Variants in VAMP7 observed in about 807,000 individuals in gnomAD.
VAMP7 encodes the protein vesicle-associated membrane protein 7.
VAMP7 carries 14 observed loss-of-function variants against 29.6 expected under a neutral mutation model. That is an observed-to-expected ratio of 0.47 (90% CI 0.31 to 0.74). The LOEUF (loss-of-function observed/expected upper bound fraction) is 0.74, where lower values mean the gene tolerates loss of function less well. Ranked by LOEUF, VAMP7 falls within the 30% of genes least tolerant of loss-of-function variation. The pLI, the probability that VAMP7 is intolerant of heterozygous loss-of-function variation, is 0.05. For synonymous variants in VAMP7, 95 were observed against 88.1 expected (o/e 1.08, Z -0.44); for missense variants, 223 against 262.4 (o/e 0.85, Z 1.04).
At position 155,942,062 on chromosome X, in the gene VAMP7, A is replaced by T. The variant is rs2066752815; in HGVS notation, c.*111A>T. On this transcript the variant is annotated 3_prime_UTR_variant, in exon 8 of 8. Transcript: ENST00000286448. ...CAGATGGTATCTGCCAGTCTCTTCA[A>T]CCCTCTTCTCACTTTTTAAAATCTT... is the stretch of plus-strand genomic sequence containing the variant. 6.3e-7 allele frequency: 1 copy of T among 1,592,738 alleles called. No homozygotes were observed. Among genetic ancestry groups the T allele is most frequent in the Non-Finnish European group, 8.6e-7 (1 of 1,168,448 alleles).
chrX:155,883,220 C>T (rs982596884), intron 1 of VAMP7, among the ~76,000 whole-genome samples: 5 of 152,186 alleles, frequency 3.3e-5, no homozygotes, highest in Non-Finnish European at 7.3e-5. Context: ...ATGATTTATA[C>T]AAGGCCTTCT....
At position 155,882,441 on chromosome X, in the gene VAMP7, G is replaced by A. The variant is rs6642362; in HGVS notation, c.-10+993G>A. Among the ~76,000 whole-genome samples, 441 of 152,252 alleles carry A rather than the reference G, an allele frequency of 2.9e-3. 1 individual carries two copies. Among genetic ancestry groups the A allele is most frequent in the African/African-American group, 0.01 (421 of 41,550 alleles). Reference sequence around the variant, plus strand: ...TAAGAAAGTCAGAGGTCAGGGCATCGTCCAGAAAGAATAGTTGTAATACCA... The same window carrying A: ...TAAGAAAGTCAGAGGTCAGGGCATCATCCAGAAAGAATAGTTGTAATACCA... On this transcript the variant is annotated intron_variant, in intron 1 of 7. Coordinates refer to ENST00000286448, the MANE Select transcript of VAMP7 (RefSeq NM_005638.6).
chrX:155,895,709 T>C (rs746579342), intron 3 of VAMP7, 29 bp downstream of exon 3: 4 of 1,585,268 alleles, frequency 2.5e-6, no homozygotes, highest in Non-Finnish European at 2.6e-6. Context: ...TATTGCTATT[T>C]AACTATGTGT....
chrX:155,905,740 T>C (rs1321424809), intron 5 of VAMP7, among the ~76,000 whole-genome samples: 2 of 152,212 alleles, frequency 1.3e-5, no homozygotes, highest in Admixed American at 6.5e-5. Context: ...TTCTGGACCT[T>C]CAGTTCTGTT....
intron 5 of VAMP7, among the ~76,000 whole-genome samples, chrX:155,904,064 A>G (rs748458970): frequency 3.3e-5 from 5 of 152,048 alleles, no homozygotes; most frequent in African/African-American, 1.2e-4. Context: ...AGGGACATGG[A>G]TGAAATTGGA....
chrX:155,927,790 G>T (rs2066492792), intron 6 of VAMP7, among the ~76,000 whole-genome samples: 1 of 146,308 alleles, frequency 6.8e-6, no homozygotes, highest in Non-Finnish European at 1.5e-5. Flanking sequence ...TAAAGTGAGT[G>T]CTTTAAAAAT....
intron 6 of VAMP7, 34 bp from the exon 7 acceptor site, chrX:155,939,667 G>A (rs778127869): frequency 4.7e-6 from 7 of 1,484,100 alleles, no homozygotes; most frequent in East Asian, 2.3e-5. Context: ...TGTAGTCAGT[G>A]CCAGGGGTTA....
intron 5 of VAMP7, among the ~76,000 whole-genome samples, chrX:155,913,681 G>A (rs1309293354): frequency 1.3e-5 from 2 of 152,132 alleles, no homozygotes; most frequent in African/African-American, 2.4e-5. Context: ...TCAGATGGTT[G>A]TAGATGTGTA....
chrX:155,906,318 C>T (rs191066325), intron 5 of VAMP7, among the ~76,000 whole-genome samples: 3 of 152,240 alleles, frequency 2.0e-5, no homozygotes, highest in Non-Finnish European at 4.4e-5. Flanking sequence ...TAGAGAGAAT[C>T]CCCTTGCCCT....
At chrX:155,895,930 TC>T (rs1182508826) in intron 3 of VAMP7, among the ~76,000 whole-genome samples, 2 of 152,112 alleles carry the variant, frequency 1.3e-5, no homozygotes, top group African/African-American at 4.8e-5. Flanking sequence ...GAACTCTGCA[TC>T]CGAGGGATCT....
At chrX:155,938,172 C>T (rs773028291) in intron 6 of VAMP7, among the ~76,000 whole-genome samples, 51 of 152,178 alleles carry the variant, frequency 3.4e-4, no homozygotes, top group African/African-American at 1.2e-3. Context: ...AACTTTGTTC[C>T]ATTAAGGACT....
intron 6 of VAMP7, among the ~76,000 whole-genome samples, chrX:155,922,853 C>T (rs1427192148): frequency 6.6e-6 from 1 of 151,964 alleles, no homozygotes; most frequent in African/African-American, 2.4e-5. Flanking sequence ...TGCCATCTTG[C>T]TGTTTGTTTC....
chrX:155,901,794 G>A (rs1194704431), intron 5 of VAMP7, among the ~76,000 whole-genome samples: 2 of 152,278 alleles, frequency 1.3e-5, no homozygotes, highest in South Asian at 2.1e-4. Context: ...ATAGTTTGAA[G>A]TCAGGTAGCA....
At chrX:155,928,789 A>T (rs1273743185) in intron 6 of VAMP7, among the ~76,000 whole-genome samples, 2 of 152,182 alleles carry the variant, frequency 1.3e-5, no homozygotes, top group Non-Finnish European at 2.9e-5. Context: ...ACTTGTTTTA[A>T]ACAGATGGTT....
Position 155,895,692 on chromosome X carries a change from G to C in VAMP7, c.204+12G>C. The C allele has an allele frequency of 1.9e-6, 3 of 1,604,542 alleles. No homozygotes were observed. The highest frequency in any genetic ancestry group is 2.6e-6 in the Non-Finnish European group (3 of 1,171,688). On this transcript the variant is annotated intron_variant, in intron 3 of 7. Transcript: ENST00000286448. ...GTATCACTGATGATGTAAGTAACTTGAAGACATATTGCTATTTAACTATGT... is the reference window on the plus strand; with the variant it reads ...GTATCACTGATGATGTAAGTAACTTCAAGACATATTGCTATTTAACTATGT...
intron 6 of VAMP7, among the ~76,000 whole-genome samples, chrX:155,926,008 C>T (rs2066461884): frequency 6.6e-6 from 1 of 151,692 alleles, no homozygotes; most frequent in Non-Finnish European, 1.5e-5. Context: ...CAGCAGATCT[C>T]CACAGATCTT....
chrX:155,915,747 A>AT (rs1569444544), intron 5 of VAMP7, among the ~76,000 whole-genome samples: 5 of 151,910 alleles, frequency 3.3e-5, no homozygotes, highest in Non-Finnish European at 7.4e-5. Context: ...TACGATTTCC[A>AT]TTTTTTGCAT....
chrX:155,915,760 G>T (rs1361475254), intron 5 of VAMP7, among the ~76,000 whole-genome samples: 1 of 152,086 alleles, frequency 6.6e-6, no homozygotes, highest in Non-Finnish European at 1.5e-5. Context: ...TTTTGCATTT[G>T]CTGAGGAGTG....
chrX:155,936,770 C>T (rs781689642), intron 6 of VAMP7, among the ~76,000 whole-genome samples: 12 of 152,146 alleles, frequency 7.9e-5, no homozygotes, highest in South Asian at 2.1e-4. Context: ...CCGTCTTGTG[C>T]GTTGCTCACG....
Sources: allele counts gnomAD v4.1 joint callset (sites outside exome capture counted in the v4.1 genomes callset), GRCh38; gene constraint gnomAD v4.1.1; transcripts MANE v1.5; gene names NCBI Gene and HGNC (gene_info 2026-07-23, HGNC 2026-07-21).